The following MYLK variants were observed in gnomAD, a reference collection of about 807,000 sequenced individuals.
MYLK encodes myosin light chain kinase, smooth muscle.
Under a neutral mutation model 203.4 loss-of-function variants are expected in MYLK, and 106 were observed. That is an observed-to-expected ratio of 0.52 (90% confidence interval 0.45 to 0.61). The LOEUF is 0.61. MYLK is among the 20% of genes least tolerant of loss of function. The probability of loss-of-function intolerance (pLI) is 0.00; values close to 1 mark genes in which losing one functional copy is unlikely to be tolerated. For missense variants in MYLK, 2,072 were observed against 2,442.3 expected (o/e 0.85, Z 3.20); for synonymous variants, 867 against 959.5 (o/e 0.90, Z 1.78).
intron 2 of MYLK, among the ~76,000 whole-genome samples, chr3:123,855,138 C>T (rs1577130101): frequency 1.6e-5 from 2 of 127,610 alleles, no homozygotes; most frequent in Non-Finnish European, 3.0e-5. Flanking sequence ...CATGTTGTTA[C>T]TCAATTCTGG....
intron 3 of MYLK, among the ~76,000 whole-genome samples, chr3:123,828,298 C>T (rs1174896526): frequency 1.3e-5 from 2 of 152,002 alleles, no homozygotes; most frequent in Non-Finnish European, 2.9e-5. Flanking sequence ...AGAAATTAAT[C>T]CACATAGGTA....
intron 13 of MYLK, among the ~76,000 whole-genome samples, chr3:123,718,567 G>T (rs1041314541): frequency 1.3e-5 from 2 of 152,066 alleles, no homozygotes; most frequent in African/African-American, 2.4e-5. Flanking sequence ...TCCTCGAATG[G>T]GTCAACCTTG....
intron 2 of MYLK, among the ~76,000 whole-genome samples, chr3:123,844,037 G>A (rs1048107340): frequency 3.9e-5 from 6 of 152,142 alleles, no homozygotes; most frequent in Non-Finnish European, 8.8e-5. Flanking sequence ...CTAGGTTTAT[G>A]CTCTGTGTTC....
chr3:123,793,576 G>A (rs770911987), intron 4 of MYLK, 101 bp downstream of exon 4: 1 of 1,342,006 alleles, frequency 7.5e-7, no homozygotes, highest in Non-Finnish European at 1.0e-6. Flanking sequence ...AGAAAATTGA[G>A]CCTTCTATTA....
In MYLK at chr3:123,861,998, A is replaced by G. The variant is rs535430455; in HGVS notation, c.-127+14561T>C. Among the ~76,000 whole-genome samples the G allele has an allele frequency of 1.4e-4, 21 of 152,184 alleles. 1 individual carries two copies. The highest frequency in any genetic ancestry group is 3.1e-4 in the Non-Finnish European group (21 of 68,026). The stretch of plus-strand genomic sequence containing the variant: ...GAGCTCTCTGTTCACTCAGAGCAGA[A>G]GCACCTTCCCTGCCCACTCCAGAGC... On this transcript the variant is annotated intron_variant, in intron 2 of 33. Coordinates refer to ENST00000360304, the MANE Select transcript of MYLK (RefSeq NM_053025.4).
rs1036506740 is a variant in MYLK at position 123,758,803 on chromosome 3, G to A, written c.166-6265C>T. ...AAACCCTTTGGAGCAGCCAAACAAA[G>A]ATACAGATTTTTCTTTCTTTCTTTC... On this transcript the variant is annotated intron_variant, in intron 4 of 33. Coordinates refer to ENST00000360304, the MANE Select transcript of MYLK (RefSeq NM_053025.4). Among the ~76,000 whole-genome samples, 7 of 152,106 alleles carry A rather than the reference G, an allele frequency of 4.6e-5. No individual in the cohort carries two copies. In the South Asian group the frequency reaches 1.5e-3, roughly 32 times the overall value.
chr3:123,807,893 G>A (rs1391274127), intron 3 of MYLK, among the ~76,000 whole-genome samples: 1 of 152,232 alleles, frequency 6.6e-6, no homozygotes, highest in African/African-American at 2.4e-5. Context: ...ATGGCCAGGA[G>A]GCCTTGGCAG....
rs1060502529 is a variant in MYLK, at chr3:123,733,016, C to T, written c.1396G>A (p.Asp466Asn). ...RQEGSIEVYE[D>N]AGSHYLCLLK... ...AGGCAGAGGTAATGGGAGCCAGCAT[C>T]TTCATAAACCTCAATGCTGCCTTCC... Residue 466 changes from aspartate to asparagine, a missense_variant, in exon 11 of 34, where the codon GAT becomes AAT. Asp to Asn is a conservative substitution (Grantham distance 23). This residue lies in a region of MYLK where 683 missense variants were observed against 643.8 expected (regional missense o/e 1.06). Transcript: ENST00000360304. 1.9e-6 allele frequency: 3 copies of T among 1,614,070 alleles called. No individual in the cohort carries two copies. The East Asian group carries it at 6.7e-5, about 36-fold the overall frequency.
In MYLK at chr3:123,734,233, G is replaced by A. The variant is rs1230480366; in HGVS notation, c.774-11C>T. 1.4e-5 allele frequency: 18 copies of A among 1,263,524 alleles called. No homozygotes were observed. The highest frequency in any genetic ancestry group is 2.7e-5 in the South Asian group (2 of 73,406). The allele number at this position is 1,263,524 out of a possible 1,614,324, so 78.3% of individuals were successfully genotyped here. A position where few individuals can be genotyped will look rare whatever the true frequency, so the allele number is the denominator to read the frequency against. Reference sequence around the variant, plus strand: ...TCTCTCACAAATGACCTGTGTGGTGGTGAGGGTGGGGGTAGGGTGGGTGAG... The same window carrying A: ...TCTCTCACAAATGACCTGTGTGGTGATGAGGGTGGGGGTAGGGTGGGTGAG... On this transcript the variant is annotated splice_polypyrimidine_tract_variant and intron_variant, in intron 9 of 33. Transcript: ENST00000360304.
At chr3:123,634,515 C>T (rs1353686116) in intron 29 of MYLK, among the ~76,000 whole-genome samples, 1 of 152,200 alleles carries the variant, frequency 6.6e-6, no homozygotes, top group African/African-American at 2.4e-5. Context: ...GACCACACAC[C>T]AGGGTGGGGA....
intron 31 of MYLK, chr3:123,621,789 G>A (rs1449067814): frequency 6.6e-6 from 1 of 152,312 alleles, no homozygotes; most frequent in East Asian, 1.9e-4. Flanking sequence ...ACTGTATGGT[G>A]TGGGTATGTT....
chr3:123,746,663 C>A (rs2063026486), intron 5 of MYLK, among the ~76,000 whole-genome samples: 1 of 152,222 alleles, frequency 6.6e-6, no homozygotes, highest in Non-Finnish European at 1.5e-5. Flanking sequence ...TCTGCAAAGG[C>A]AGTCTTGAAC....
intron 23 of MYLK, among the ~76,000 whole-genome samples, chr3:123,661,007 G>C (rs1235601269): frequency 6.6e-6 from 1 of 152,188 alleles, no homozygotes; most frequent in Non-Finnish European, 1.5e-5. Flanking sequence ...AGTTCTTTGA[G>C]GGGGAGGCAG....
intron 27 of MYLK, among the ~76,000 whole-genome samples, chr3:123,641,729 C>A (rs1456043545): frequency 1.3e-5 from 2 of 151,450 alleles, no homozygotes; most frequent in Non-Finnish European, 2.9e-5. Context: ...TTCCTTCTGT[C>A]CTGCCTGCCT....
chr3:123,692,860 G>T lies in MYLK; in HGVS notation c.3449-9C>A, dbSNP rs986583537. 13 of 1,610,020 alleles carry T rather than the reference G, an allele frequency of 8.1e-6. No homozygotes were observed. Among genetic ancestry groups the T allele is most frequent in the Non-Finnish European group, 7.6e-6 (9 of 1,176,516 alleles). On this transcript the variant is annotated splice_polypyrimidine_tract_variant and intron_variant, in intron 18 of 33. Transcript: ENST00000360304. ...GACGGAGCAGAGTGAGCCTGGGGAG[G>T]AAGAATTGTGGAGTGAACCAGGTGT... is the stretch of plus-strand genomic sequence containing the variant.
chr3:123,640,740 G>T lies in MYLK; in HGVS notation c.4620-236C>A, dbSNP rs28758868. Among the ~76,000 whole-genome samples, 939 of 151,588 alleles carry T rather than the reference G, an allele frequency of 6.2e-3. 7 individuals are homozygous for T. Among genetic ancestry groups the T allele is most frequent in the African/African-American group, 0.022 (916 of 41,256 alleles). ...TCTAAGCTGCTGGGGACTCAGGGAA[G>T]CATCTACACTAGGCAGTTTCAGAGG... On this transcript the variant is annotated intron_variant, in intron 27 of 33. Transcript: ENST00000360304. The surrounding 1 kb of genome is among the most constrained non-coding windows in gnomAD (Gnocchi z 4.3).
At position 123,646,665 on chromosome 3, in the gene MYLK, A is replaced by G. The variant is rs115636487; in HGVS notation, c.4619+559T>C. On this transcript the variant is annotated intron_variant, in intron 27 of 33. Coordinates refer to ENST00000360304, the MANE Select transcript of MYLK (RefSeq NM_053025.4). Reference sequence around the variant, plus strand: ...CATCTGATAATCCCCCTGCCTTTGTACAACCCCATAGGGAAAGCACCACTC... The same window carrying G: ...CATCTGATAATCCCCCTGCCTTTGTGCAACCCCATAGGGAAAGCACCACTC... 3.5e-3 allele frequency among the ~76,000 whole-genome samples: 536 copies of G among 152,364 alleles called. 4 individuals carry two copies. The highest frequency in any genetic ancestry group is 0.014 in the Middle Eastern group (4 of 294).
chr3:123,842,070 AT>A (rs1463381463), intron 2 of MYLK, among the ~76,000 whole-genome samples: 1 of 152,134 alleles, frequency 6.6e-6, no homozygotes, highest in Admixed American at 6.5e-5. Context: ...TAAAAGACAG[AT>A]AAAATATTAT....
chr3:123,717,839 CTTTTTTTTTTTTTTTTTTTTTTTT>C (rs10574979), intron 13 of MYLK, among the ~76,000 whole-genome samples: 1 of 94,992 alleles, frequency 1.1e-5, no homozygotes, highest in South Asian at 3.7e-4. Context: ...TTGAGGGACT[CTTTTTTTTTTTTTTTTTTTTTTTT>C]TTTTTTTTTT....
Sources: allele counts gnomAD v4.1 joint callset (sites outside exome capture counted in the v4.1 genomes callset), GRCh38; gene constraint gnomAD v4.1.1; regional missense constraint gnomAD v4.1.1; non-coding constraint Gnocchi (gnomAD v3.1); transcripts MANE v1.5; gene names NCBI Gene and HGNC (gene_info 2026-07-23, HGNC 2026-07-21).